The following EDIL3 variants were observed in gnomAD, a reference collection of about 807,000 sequenced individuals.
EDIL3 encodes EGF-like repeat and discoidin I-like domain-containing protein 3.
Under a neutral mutation model 67.4 loss-of-function variants are expected in EDIL3, and 37 were observed. The ratio of observed to expected loss-of-function variants is 0.55; its 90% CI spans 0.42 to 0.72. The LOEUF (loss-of-function observed/expected upper bound fraction) is 0.72. Among genes scored for constraint, EDIL3 ranks in the 30% least tolerant of loss-of-function variants. The pLI, the probability that EDIL3 is intolerant of heterozygous loss-of-function variation, is 0.00. For missense variants in EDIL3, 527 were observed against 586.3 expected, an observed-to-expected ratio of 0.90 and a Z score of 1.04; for synonymous variants, 195 against 196.3, an observed-to-expected ratio of 0.99 and a Z score of 0.05.
intron 1 of EDIL3, among the ~76,000 whole-genome samples, chr5:84,322,064 T>TCTA (rs1554042117): frequency 6.6e-6 from 1 of 150,382 alleles, no homozygotes; most frequent in Non-Finnish European, 1.5e-5. Context: ...ATAATAATGA[T>TCTA]ATAATAATAA....
chr5:84,040,342 C>A (rs891932695), intron 9 of EDIL3, among the ~76,000 whole-genome samples: 1 of 152,088 alleles, frequency 6.6e-6, no homozygotes, highest in Non-Finnish European at 1.5e-5. Flanking sequence ...AATATTCCAT[C>A]TTCACTGATC....
Position 84,052,094 on chromosome 5 carries a change from G to A in EDIL3, c.1137+8206C>T, listed in dbSNP as rs572646807. 5.6e-3 allele frequency among the ~76,000 whole-genome samples: 856 copies of A among 152,372 alleles called. 12 individuals are homozygous for A. The highest frequency in any genetic ancestry group is 0.02 in the African/African-American group (823 of 41,588). On this transcript the variant is annotated intron_variant, in intron 9 of 10. Transcript: ENST00000296591. ...GTTACCCACAAAGGGAAGCCCATCA[G>A]ACTAACAGCGGATCTCTCGGCAGAA...
intron 9 of EDIL3, among the ~76,000 whole-genome samples, chr5:84,020,187 C>T (rs937933608): frequency 3.3e-5 from 5 of 151,124 alleles, no homozygotes; most frequent in Admixed American, 6.6e-5. Context: ...ATATCGAAAA[C>T]ATTTCTTAGA....
At chr5:84,186,169 T>C (rs1743441354) in intron 3 of EDIL3, among the ~76,000 whole-genome samples, 1 of 152,082 alleles carries the variant, frequency 6.6e-6, no homozygotes, top group African/African-American at 2.4e-5. Flanking sequence ...CCCCATTCCA[T>C]AGTCTTCTCT....
At chr5:84,053,380 A>G (rs565220306) in intron 9 of EDIL3, among the ~76,000 whole-genome samples, 2 of 152,358 alleles carry the variant, frequency 1.3e-5, no homozygotes, top group East Asian at 3.9e-4. Flanking sequence ...TTGACACCCT[A>G]ACATCACAAA....
Position 84,180,456 on chromosome 5 carries a change from C to A in EDIL3, c.292G>T (p.Asp98Tyr), listed in dbSNP as rs763686775. The A allele has an allele frequency of 6.2e-7, 1 of 1,609,242 alleles. No individual in the cohort carries two copies. Among genetic ancestry groups the A allele is most frequent in the Non-Finnish European group, 8.5e-7 (1 of 1,177,658 alleles). Residue 98 changes from aspartate to tyrosine, a missense_variant, in exon 4 of 11, where the codon GAT (aspartate) becomes TAT (tyrosine). Physicochemically the swap from Asp to Tyr is radical, Grantham distance 160 (BLOSUM62 -3). Around this residue, in one of 2 missense-constraint regions of EDIL3, gnomAD observed 494 missense variants for 522.5 expected, o/e 0.95. Transcript: ENST00000296591. ...TTACAAACATAGCCTATGAATGTAT[C>A]CCCTCGGTATGCTTCACTTATTTCA... is the stretch of plus-strand genomic sequence containing the variant. The part of the protein sequence containing the change: ...TCEISEAYRG[D>Y]TFIGYVCKCP...
chr5:84,209,987 AC>A (rs2112388527), intron 3 of EDIL3, among the ~76,000 whole-genome samples: 1 of 152,296 alleles, frequency 6.6e-6, no homozygotes, highest in South Asian at 2.1e-4. Context: ...ATTCTAATTT[AC>A]CCTTTATCAC....
At chr5:84,137,428 T>C (rs1452321564) in intron 4 of EDIL3, 74 bp from the exon 5 acceptor site, 11 of 1,323,202 alleles carry the variant, frequency 8.3e-6, no homozygotes, top group East Asian at 2.3e-5. Context: ...GTTTTAACAT[T>C]TGAAATACAA....
intron 1 of EDIL3, among the ~76,000 whole-genome samples, chr5:84,286,793 T>C (rs1745814458): frequency 6.6e-6 from 1 of 152,150 alleles, no homozygotes; most frequent in Non-Finnish European, 1.5e-5. Flanking sequence ...GCACCTCAGG[T>C]TGGAATCAAT....
At chr5:84,037,510 AC>A (rs1746042159) in intron 9 of EDIL3, among the ~76,000 whole-genome samples, 1 of 152,152 alleles carries the variant, frequency 6.6e-6, no homozygotes. Context: ...CATTTATTCG[AC>A]CCATTTTTAA....
At chr5:84,197,282 A>G (rs1483866293) in intron 3 of EDIL3, among the ~76,000 whole-genome samples, 1 of 152,054 alleles carries the variant, frequency 6.6e-6, no homozygotes, top group Non-Finnish European at 1.5e-5. Context: ...CATAAGAGGA[A>G]TGCCTAATCC....
At chr5:84,201,896 G>C (rs1743848389) in intron 3 of EDIL3, among the ~76,000 whole-genome samples, 1 of 151,896 alleles carries the variant, frequency 6.6e-6, no homozygotes, top group Non-Finnish European at 1.5e-5. Context: ...TAAGTAACGT[G>C]GTATGTAGAC....
chr5:84,356,551 T>C (rs566562088), intron 1 of EDIL3, among the ~76,000 whole-genome samples: 85 of 152,332 alleles, frequency 5.6e-4, no homozygotes, highest in African/African-American at 2.0e-3. Flanking sequence ...ATCTCCTGCC[T>C]ACCTCTTTCA....
intron 9 of EDIL3, among the ~76,000 whole-genome samples, chr5:84,028,740 C>T (rs192425723): frequency 2.4e-4 from 36 of 151,920 alleles, no homozygotes; most frequent in Admixed American, 4.6e-4. Flanking sequence ...CATGTAAACA[C>T]GGAGTCTTAA....
Position 84,055,116 on chromosome 5 carries a change from G to A in EDIL3, c.1137+5184C>T, listed in dbSNP as rs1269739057. On this transcript the variant is annotated intron_variant, in intron 9 of 10. Transcript: ENST00000296591. ...GTACTGGTACCAAAACAGAGATACCGACCAATGGAACAGAACAGAGCCCTC... is the reference window on the plus strand; with the variant it reads ...GTACTGGTACCAAAACAGAGATACCAACCAATGGAACAGAACAGAGCCCTC... Among the ~76,000 whole-genome samples, 16 of 145,948 alleles carry A rather than the reference G, an allele frequency of 1.1e-4. 2 individuals carry two copies. The highest frequency in any genetic ancestry group is 7.4e-4 in the Admixed American group (11 of 14,858).
intron 6 of EDIL3, among the ~76,000 whole-genome samples, chr5:84,091,924 G>A (rs1049237933): frequency 2.0e-5 from 3 of 152,292 alleles, no homozygotes; most frequent in Non-Finnish European, 4.4e-5. Context: ...CTTTTGTTGA[G>A]ATAGTTTCAG....
chr5:83,954,204 T>C (rs1262135431), intron 10 of EDIL3, among the ~76,000 whole-genome samples: 2 of 151,702 alleles, frequency 1.3e-5, no homozygotes. Flanking sequence ...TTTTTTATCA[T>C]ATAATAAACA....
intron 5 of EDIL3, among the ~76,000 whole-genome samples, chr5:84,121,538 G>GACCT (rs1747774368): frequency 7.7e-6 from 1 of 129,804 alleles, no homozygotes; most frequent in Admixed American, 7.6e-5. Flanking sequence ...AACTTAGATC[G>GACCT]ATCTATCTAT....
At chr5:84,323,030 T>A (rs1746681623) in intron 1 of EDIL3, among the ~76,000 whole-genome samples, 1 of 152,008 alleles carries the variant, frequency 6.6e-6, no homozygotes, top group South Asian at 2.1e-4. Flanking sequence ...AGGGACCTCA[T>A]CAGGACTAGA....
Sources: gnomAD v4.1 joint callset for allele counts (sites outside exome capture counted in the v4.1 genomes callset) on GRCh38, gnomAD v4.1.1 for gene constraint, gnomAD v4.1.1 regional missense constraint, MANE v1.5 for transcripts, NCBI Gene and HGNC (gene_info 2026-07-23, HGNC 2026-07-21) for gene names.